The following DMRT1 variants were observed in gnomAD, a reference collection of about 807,000 sequenced individuals.
DMRT1 encodes doublesex and mab-3 related transcription factor 1.
A neutral mutation model predicts 32.3 loss-of-function variants in DMRT1; 7 were observed. The observed-to-expected ratio is 0.22, with a 90% CI of 0.12 to 0.41. DMRT1 has a LOEUF of 0.41. DMRT1 is among the 10% of genes least tolerant of loss of function. The pLI is 1.00. For missense variants in DMRT1, 625 were observed against 500.5 expected, an observed-to-expected ratio of 1.25 and a Z score of -2.37; for synonymous variants, 278 against 206.1, an observed-to-expected ratio of 1.35 and a Z score of -2.99.
At chr9:915,553 C>G (rs780565303) in intron 3 of DMRT1, among the ~76,000 whole-genome samples, 2 of 152,130 alleles carry the variant, frequency 1.3e-5, no homozygotes, top group Non-Finnish European at 2.9e-5. Context: ...TTGCTCTGCC[C>G]CATGTGTCCA....
intron 4 of DMRT1, among the ~76,000 whole-genome samples, chr9:949,537 T>C (rs564335702): frequency 3.7e-4 from 56 of 152,290 alleles, no homozygotes; most frequent in African/African-American, 1.2e-3. Context: ...CTGCAAAAGT[T>C]TCTTACTGTC....
At chr9:958,534 T>C (rs926660247) in intron 4 of DMRT1, among the ~76,000 whole-genome samples, 1 of 152,098 alleles carries the variant, frequency 6.6e-6, no homozygotes, top group African/African-American at 2.4e-5. Context: ...ACCCAGCTGA[T>C]TTTTGTATTT....
intron 3 of DMRT1, among the ~76,000 whole-genome samples, chr9:900,710 C>T (rs1241561976): frequency 6.7e-6 from 1 of 148,278 alleles, no homozygotes; most frequent in Non-Finnish European, 1.5e-5. Flanking sequence ...TTGGAGACAG[C>T]GTCTTGCTCT....
chr9:846,778 C>T (rs1209513081), intron 1 of DMRT1, among the ~76,000 whole-genome samples, 182 bp from the exon 2 acceptor site: 1 of 152,136 alleles, frequency 6.6e-6, no homozygotes, highest in African/African-American at 2.4e-5. Flanking sequence ...CTGTCTGGCT[C>T]AAAACTGTTT....
At chr9:933,991 A>G (rs1300214764) in intron 4 of DMRT1, among the ~76,000 whole-genome samples, 1 of 151,100 alleles carries the variant, frequency 6.6e-6, no homozygotes, top group African/African-American at 2.5e-5. Flanking sequence ...GAATTAGTTG[A>G]TCCTTGGACC....
chr9:870,291 C>CG (rs1415144554), intron 2 of DMRT1, among the ~76,000 whole-genome samples: 1 of 152,054 alleles, frequency 6.6e-6, no homozygotes, highest in Non-Finnish European at 1.5e-5. Context: ...CCCAGCTACT[C>CG]GGGAGGCTGA....
At chr9:842,344 C>A (rs1027086111) in intron 1 of DMRT1, 152 bp downstream of exon 1, 3 of 982,814 alleles carry the variant, frequency 3.1e-6, no homozygotes, top group Non-Finnish European at 4.4e-6. Context: ...AAGCAATTCT[C>A]CTGCCTCAGC....
intron 1 of DMRT1, among the ~76,000 whole-genome samples, chr9:845,318 T>A (rs1838860830): frequency 6.6e-6 from 1 of 151,958 alleles, no homozygotes; most frequent in Admixed American, 6.6e-5. Flanking sequence ...CAAGTAATTC[T>A]CCTCTCGGCC....
At chr9:911,829 AC>A (rs1272400203) in intron 3 of DMRT1, among the ~76,000 whole-genome samples, 1 of 152,022 alleles carries the variant, frequency 6.6e-6, no homozygotes, top group Non-Finnish European at 1.5e-5. Flanking sequence ...ATATTGCTAC[AC>A]ATGCACTTAG....
At chr9:909,432 C>G (rs1817894268) in intron 3 of DMRT1, among the ~76,000 whole-genome samples, 1 of 152,118 alleles carries the variant, frequency 6.6e-6, no homozygotes, top group African/African-American at 2.4e-5. Flanking sequence ...TCTGTAGGCT[C>G]AGACAGTTCA....
At chr9:887,890 C>G (rs542253124) in intron 2 of DMRT1, among the ~76,000 whole-genome samples, 1 of 152,114 alleles carries the variant, frequency 6.6e-6, no homozygotes, top group South Asian at 2.1e-4. Flanking sequence ...GTTTTTGTGC[C>G]TTTGACAACA....
chr9:928,370 C>A (rs1314693277), intron 4 of DMRT1, among the ~76,000 whole-genome samples: 1 of 152,124 alleles, frequency 6.6e-6, no homozygotes, highest in African/African-American at 2.4e-5. Flanking sequence ...ACATTGAATC[C>A]AGGGTCTCTC....
intron 2 of DMRT1, among the ~76,000 whole-genome samples, chr9:860,245 C>T (rs1297749663): frequency 1.3e-5 from 2 of 151,958 alleles, no homozygotes; most frequent in Non-Finnish European, 2.9e-5. Flanking sequence ...TGCAGGGAGC[C>T]GAGATCGTGC....
intron 4 of DMRT1, among the ~76,000 whole-genome samples, chr9:953,970 A>G (rs1819513457): frequency 2.0e-5 from 3 of 152,144 alleles, no homozygotes; most frequent in African/African-American, 7.2e-5. Flanking sequence ...GGCACAAGGA[A>G]GGTGGAGTAC....
At position 903,378 on chromosome 9, in the gene DMRT1, T is replaced by C. The variant is rs1271855607; in HGVS notation, c.822+9183T>C. ...GCACTTTCACCAAGGAGTTCCTATT[T>C]TGTCTCATTTTAGCTGATGACAAGT... On this transcript the variant is annotated intron_variant, in intron 3 of 4. Coordinates refer to ENST00000382276, the MANE Select transcript of DMRT1 (RefSeq NM_021951.3). 1.5e-4 allele frequency among the ~76,000 whole-genome samples: 23 copies of C among 152,302 alleles called. 1 individual carries two copies. In the East Asian group the frequency reaches 4.4e-3, roughly 29 times the overall value.
chr9:879,759 A>G (rs1816656563), intron 2 of DMRT1, among the ~76,000 whole-genome samples: 2 of 152,208 alleles, frequency 1.3e-5, no homozygotes, highest in Admixed American at 6.5e-5. Flanking sequence ...GGTGCGTTCA[A>G]GGTGGTATGG....
At chr9:967,486 T>C (rs963911493) in intron 4 of DMRT1, among the ~76,000 whole-genome samples, 3 of 152,226 alleles carry the variant, frequency 2.0e-5, no homozygotes, top group Non-Finnish European at 4.4e-5. Flanking sequence ...TGTCCTGTTA[T>C]GCCAAGAGAA....
intron 4 of DMRT1, among the ~76,000 whole-genome samples, chr9:935,306 G>A (rs1230943994): frequency 1.3e-5 from 2 of 152,196 alleles, no homozygotes; most frequent in African/African-American, 4.8e-5. Context: ...CAGCAGATTG[G>A]CAAACGAGGG....
At chr9:869,835 C>G (rs555786303) in intron 2 of DMRT1, among the ~76,000 whole-genome samples, 19 of 152,210 alleles carry the variant, frequency 1.2e-4, no homozygotes, top group African/African-American at 4.3e-4. Context: ...TTTATATTAG[C>G]TATTAATGCA....
Sources: allele counts gnomAD v4.1 joint callset (sites outside exome capture counted in the v4.1 genomes callset), GRCh38; gene constraint gnomAD v4.1.1; transcripts MANE v1.5; gene names NCBI Gene and HGNC (gene_info 2026-07-23, HGNC 2026-07-21).